Variants in LPP observed in about 807,000 individuals in gnomAD.
LPP encodes the protein lipoma-preferred partner.
A neutral mutation model predicts 60.4 loss-of-function variants in LPP; 38 were observed. The ratio of observed to expected loss-of-function variants is 0.63; its 90% CI spans 0.49 to 0.83. LPP has a LOEUF of 0.83. LPP is among the 40% of genes least tolerant of loss of function. The pLI is 0.00. For synonymous variants in LPP, 328 were observed against 290.8 expected (o/e 1.13, Z -1.30); for missense variants, 902 against 783.6 (o/e 1.15, Z -1.80).
chr3:188,753,728 T>G (rs556630677), intron 8 of LPP, among the ~76,000 whole-genome samples: 1 of 152,188 alleles, frequency 6.6e-6, no homozygotes, highest in East Asian at 1.9e-4. Flanking sequence ...CCACTCATCC[T>G]AGTGGCAGTC....
intron 5 of LPP, among the ~76,000 whole-genome samples, chr3:188,523,248 A>G (rs1188406334): frequency 6.6e-6 from 1 of 152,088 alleles, no homozygotes; most frequent in Non-Finnish European, 1.5e-5. Flanking sequence ...AAGGAAGCCA[A>G]CTGCCTCTTG....
At position 188,885,053 on chromosome 3, in the gene LPP, A is replaced by G. The variant is rs71308939; in HGVS notation, c.*10574A>G. ...CCATGTATGCTCTAGAAGTTGCTCT[A>G]CGTAACAGTTCAGCAAGCAAGTGTT... is the stretch of plus-strand genomic sequence containing the variant. On this transcript the variant is annotated 3_prime_UTR_variant, in exon 12 of 12. Coordinates refer to ENST00000617246, the MANE Select transcript of LPP (RefSeq NM_001375462.1). 0.034 allele frequency: 7,348 copies of G among 215,544 alleles called. 163 individuals carry two copies. The highest frequency in any genetic ancestry group is 0.05 in the Non-Finnish European group (5,354 of 106,852). 13.4% of individuals were successfully genotyped at this position (215,544 alleles called of 1,614,324 possible).
rs1016084180 is a variant in LPP at position 188,844,589 on chromosome 3, G to A, written c.1411-21611G>A. Among the ~76,000 whole-genome samples the A allele has an allele frequency of 2.0e-5, 3 of 152,284 alleles. No homozygotes were observed. In the East Asian group the frequency reaches 5.8e-4, roughly 29 times the overall value. ...TGATTCCAAGGGAATTGAGAGGTTC[G>A]TGTATTTATTCATATATTAGTCAAA... On this transcript the variant is annotated intron_variant, in intron 9 of 11. Transcript: ENST00000617246.
intron 6 of LPP, among the ~76,000 whole-genome samples, chr3:188,534,800 G>A (rs1422873694): frequency 6.6e-6 from 1 of 152,168 alleles, no homozygotes; most frequent in Non-Finnish European, 1.5e-5. Flanking sequence ...CAGAAGGTTG[G>A]AGGTGGTTAA....
chr3:188,780,729 C>T (rs1022991292), intron 9 of LPP, among the ~76,000 whole-genome samples: 8 of 152,332 alleles, frequency 5.3e-5, no homozygotes, highest in Non-Finnish European at 8.8e-5. Flanking sequence ...GATCCCACCC[C>T]GCCATTCTCA....
At position 188,592,135 on chromosome 3, in the gene LPP, C is replaced by T. The variant is rs575135616; in HGVS notation, c.430-17026C>T. Among the ~76,000 whole-genome samples, 59 of 152,200 alleles carry T rather than the reference C, an allele frequency of 3.9e-4. No individual in the cohort carries two copies. The Middle Eastern group carries it at 0.01, about 26-fold the overall frequency. On this transcript the variant is annotated intron_variant, in intron 6 of 11. Coordinates refer to ENST00000617246, the MANE Select transcript of LPP (RefSeq NM_001375462.1). Reference sequence around the variant, plus strand: ...TTTTGTTCTGGTTTTGATTTTGCAACTAAATATGTATGATAAATAGGAAAT... The same window carrying T: ...TTTTGTTCTGGTTTTGATTTTGCAATTAAATATGTATGATAAATAGGAAAT...
Position 188,465,008 on chromosome 3 carries a change from C to T in LPP, c.194-19584C>T, listed in dbSNP as rs1460035295. 2.7e-5 allele frequency among the ~76,000 whole-genome samples: 4 copies of T among 147,870 alleles called. No individual in the cohort carries two copies. The East Asian group carries it at 7.8e-4, about 29-fold the overall frequency. On this transcript the variant is annotated intron_variant, in intron 4 of 11. Coordinates refer to ENST00000617246, the MANE Select transcript of LPP (RefSeq NM_001375462.1). ...AAAAAAAAAAAAAAAGCCCAAGCCC[C>T]AAAACATACACACACAAAACAAAGT...
chr3:188,726,111 C>A (rs1718301523), intron 8 of LPP, among the ~76,000 whole-genome samples: 1 of 152,028 alleles, frequency 6.6e-6, no homozygotes, highest in Admixed American at 6.6e-5. Context: ...AAGGGAACCA[C>A]AAGATATTGA....
chr3:188,482,594 T>C (rs1039073471), intron 4 of LPP, among the ~76,000 whole-genome samples: 6 of 146,586 alleles, frequency 4.1e-5, no homozygotes, highest in African/African-American at 1.5e-4. Context: ...ATCCCCAAGA[T>C]TCTGATTGAA....
At chr3:188,545,368 G>A (rs1826344765) in intron 6 of LPP, among the ~76,000 whole-genome samples, 1 of 151,390 alleles carries the variant, frequency 6.6e-6, no homozygotes, top group East Asian at 1.9e-4. Context: ...GGCAAAACAA[G>A]CACTCCCTTT....
At chr3:188,595,751 T>A (rs969942619) in intron 6 of LPP, among the ~76,000 whole-genome samples, 6 of 152,190 alleles carry the variant, frequency 3.9e-5, no homozygotes, top group African/African-American at 1.2e-4. Flanking sequence ...TCATTATTAT[T>A]GTTGTTTTTA....
In LPP at chr3:188,247,535, G is replaced by A. The variant is rs1301686245; in HGVS notation, c.-67+22008G>A. 2.0e-5 allele frequency among the ~76,000 whole-genome samples: 3 copies of A among 152,064 alleles called. No homozygotes were observed. The East Asian group carries it at 5.8e-4, about 29-fold the overall frequency. On this transcript the variant is annotated intron_variant, in intron 2 of 11. Coordinates refer to ENST00000617246, the MANE Select transcript of LPP (RefSeq NM_001375462.1). ...ATGATGTGATCAGGCTGGGTGCGTT[G>A]GCTCATGCCTGTAATCCCAGCATTT...
chr3:188,589,604 GT>G (rs1838230072), intron 6 of LPP, among the ~76,000 whole-genome samples: 1 of 152,052 alleles, frequency 6.6e-6, no homozygotes, highest in Non-Finnish European at 1.5e-5. Flanking sequence ...CTGAAATAAA[GT>G]TTTAACATCC....
intron 3 of LPP, among the ~76,000 whole-genome samples, chr3:188,362,331 A>C (rs1442937416): frequency 6.6e-6 from 1 of 152,160 alleles, no homozygotes; most frequent in Non-Finnish European, 1.5e-5. Context: ...TAATATCCTG[A>C]TCCATCTGAC....
intron 2 of LPP, among the ~76,000 whole-genome samples, chr3:188,324,747 G>T (rs1044823426): frequency 2.0e-5 from 3 of 152,116 alleles, no homozygotes; most frequent in African/African-American, 7.2e-5. Flanking sequence ...ATCTAAAATT[G>T]TTGGTCAGAT....
intron 2 of LPP, among the ~76,000 whole-genome samples, chr3:188,241,351 G>A (rs773662839): frequency 6.6e-6 from 1 of 152,154 alleles, no homozygotes; most frequent in Non-Finnish European, 1.5e-5. Context: ...AGACACCCTC[G>A]GCAGCCTGCT....
intron 2 of LPP, among the ~76,000 whole-genome samples, chr3:188,256,367 G>A (rs1301513355): frequency 6.6e-6 from 1 of 152,032 alleles, no homozygotes; most frequent in Admixed American, 6.6e-5. Flanking sequence ...CAGCTAACAA[G>A]CATTTATAAA....
At chr3:188,325,967 T>G (rs1758318380) in intron 2 of LPP, among the ~76,000 whole-genome samples, 2 of 152,214 alleles carry the variant, frequency 1.3e-5, no homozygotes. Flanking sequence ...TCATTCTTTT[T>G]CCCAGATATA....
intron 7 of LPP, among the ~76,000 whole-genome samples, chr3:188,676,004 G>A (rs1857981051): frequency 6.6e-6 from 1 of 152,036 alleles, no homozygotes; most frequent in African/African-American, 2.4e-5. Context: ...AGAATCCTAG[G>A]GGTGAAAGAT....
Sources: allele counts gnomAD v4.1 joint callset (sites outside exome capture counted in the v4.1 genomes callset), GRCh38; gene constraint gnomAD v4.1.1; transcripts MANE v1.5; gene names NCBI Gene and HGNC (gene_info 2026-07-23, HGNC 2026-07-21).